The following TAFA1 variants were observed in gnomAD, a reference collection of about 807,000 sequenced individuals.
The protein encoded by TAFA1 is TAFA chemokine like family member 1, also known as chemokine-like protein TAFA-1.
A neutral mutation model predicts 18.5 loss-of-function variants in TAFA1; 4 were observed. The ratio of observed to expected loss-of-function variants is 0.22; its 90% CI spans 0.11 to 0.49. TAFA1 has a LOEUF of 0.49. Ranked by LOEUF, TAFA1 falls within the 20% of genes least tolerant of loss-of-function variation. The pLI is 0.98. For missense variants in TAFA1, 147 were observed against 169.0 expected (o/e 0.87, Z 0.72); for synonymous variants, 56 against 55.2 (o/e 1.01, Z -0.06).
chr3:68,399,382 G>A (rs1427328770), intron 2 of TAFA1, among the ~76,000 whole-genome samples: 1 of 152,040 alleles, frequency 6.6e-6, no homozygotes, highest in Non-Finnish European at 1.5e-5. Flanking sequence ...TCTGTTATTT[G>A]GGATTTCTTT....
At chr3:68,016,789 T>G (rs1033766948) in intron 2 of TAFA1, among the ~76,000 whole-genome samples, 1 of 152,212 alleles carries the variant, frequency 6.6e-6, no homozygotes, top group African/African-American at 2.4e-5. Context: ...TGCAAACCTC[T>G]GCAACATATT....
intron 2 of TAFA1, among the ~76,000 whole-genome samples, chr3:68,096,951 C>A (rs1178126841): frequency 6.6e-6 from 1 of 152,128 alleles, no homozygotes; most frequent in African/African-American, 2.4e-5. Flanking sequence ...GTGTATACCC[C>A]TAGGCACCTT....
At chr3:68,396,816 C>G (rs142911586) in intron 2 of TAFA1, among the ~76,000 whole-genome samples, 1 of 152,170 alleles carries the variant, frequency 6.6e-6, no homozygotes, top group Non-Finnish European at 1.5e-5. Context: ...GCTTTCATCA[C>G]GTTATTTTAC....
At chr3:68,211,743 G>A (rs551921756) in intron 2 of TAFA1, among the ~76,000 whole-genome samples, 5 of 152,162 alleles carry the variant, frequency 3.3e-5, no homozygotes, top group Admixed American at 3.3e-4. Context: ...GCTGGTGTGT[G>A]CAGAGATCCA....
intron 2 of TAFA1, among the ~76,000 whole-genome samples, chr3:68,137,943 A>G (rs1482359111): frequency 6.6e-6 from 1 of 151,850 alleles, no homozygotes; most frequent in African/African-American, 2.4e-5. Context: ...AAATATCCCA[A>G]TTCTTTGTTA....
At chr3:68,038,668 TAA>T (rs113213274) in intron 2 of TAFA1, among the ~76,000 whole-genome samples, 1 of 145,362 alleles carries the variant, frequency 6.9e-6, no homozygotes, top group African/African-American at 2.5e-5. Flanking sequence ...AAGCTATTGT[TAA>T]AAAAAAAAAA....
rs764686966 is a variant in TAFA1 at position 68,130,861 on chromosome 3, C to T, written c.118+124117C>T. 3.4e-4 allele frequency among the ~76,000 whole-genome samples: 51 copies of T among 152,110 alleles called. 1 individual carries two copies. The highest frequency in any genetic ancestry group is 2.6e-4 in the Admixed American group (4 of 15,274). On this transcript the variant is annotated intron_variant, in intron 2 of 4. Coordinates refer to ENST00000478136, the MANE Select transcript of TAFA1 (RefSeq NM_213609.4). ...CAAATATTACCTTTCCGTTAGCTAC[C>T]TCCCTGTCCTCCCTGGCTAGAGTCT...
intron 2 of TAFA1, among the ~76,000 whole-genome samples, chr3:68,313,882 T>A (rs750141155): frequency 2.7e-4 from 41 of 152,232 alleles, no homozygotes; most frequent in Non-Finnish European, 5.0e-4. Context: ...ATGTGTGTTT[T>A]AATTTTATTT....
intron 2 of TAFA1, among the ~76,000 whole-genome samples, chr3:68,258,998 C>T (rs2067354043): frequency 6.6e-6 from 1 of 152,184 alleles, no homozygotes; most frequent in Admixed American, 6.5e-5. Flanking sequence ...CCAGGACTCA[C>T]ATCTAGCTCT....
At chr3:68,000,992 A>G (rs1334434418), upstream of TAFA1, among the ~76,000 whole-genome samples, 1 of 152,166 alleles carries the variant, frequency 6.6e-6, no homozygotes, top group Non-Finnish European at 1.5e-5. Flanking sequence ...AGTTTTGTAA[A>G]CCAAAAAAAC....
At chr3:68,527,349 T>A (rs531669252) in intron 3 of TAFA1, among the ~76,000 whole-genome samples, 246 of 152,244 alleles carry the variant, frequency 1.6e-3, no homozygotes, top group Middle Eastern at 3.4e-3. Context: ...AGCATACAGC[T>A]TTTTTCAAAA....
chr3:68,508,857 GAT>G (rs1422180350), intron 3 of TAFA1, among the ~76,000 whole-genome samples: 5 of 152,052 alleles, frequency 3.3e-5, no homozygotes, highest in Admixed American at 6.6e-5. Flanking sequence ...AGAGTTCAGT[GAT>G]CACTAGAAGA....
chr3:68,170,055 A>C (rs1559545752), intron 2 of TAFA1, among the ~76,000 whole-genome samples: 1 of 152,338 alleles, frequency 6.6e-6, no homozygotes, highest in East Asian at 1.9e-4. Context: ...AAATTAACTA[A>C]GGGCTTATAA....
chr3:68,188,062 C>G, intron 2 of TAFA1, among the ~76,000 whole-genome samples: 1 of 151,812 alleles, frequency 6.6e-6, no homozygotes. Context: ...GAATATAAGA[C>G]CTTGTTATCT....
At chr3:68,517,857 G>A (rs1395274302) in intron 3 of TAFA1, among the ~76,000 whole-genome samples, 1 of 152,004 alleles carries the variant, frequency 6.6e-6, no homozygotes, top group African/African-American at 2.4e-5. Context: ...TAAGACTGTG[G>A]ACTGTGATCA....
At chr3:68,102,690 G>T (rs1158630164) in intron 2 of TAFA1, among the ~76,000 whole-genome samples, 2 of 152,158 alleles carry the variant, frequency 1.3e-5, no homozygotes, top group Non-Finnish European at 2.9e-5. Flanking sequence ...GGTTATCTCT[G>T]CTTTTAACTT....
intron 2 of TAFA1, among the ~76,000 whole-genome samples, chr3:68,327,427 T>C (rs2106720523): frequency 6.6e-6 from 1 of 152,244 alleles, no homozygotes; most frequent in East Asian, 1.9e-4. Context: ...GTAAAATGGT[T>C]GTATAACTGA....
At chr3:68,349,434 C>T (rs932728515) in intron 2 of TAFA1, among the ~76,000 whole-genome samples, 4 of 152,040 alleles carry the variant, frequency 2.6e-5, no homozygotes, top group South Asian at 4.2e-4. Context: ...TAATAAAGGA[C>T]GATAAAGTCC....
intron 2 of TAFA1, among the ~76,000 whole-genome samples, chr3:68,098,830 C>G (rs2065116603): frequency 6.6e-6 from 1 of 151,998 alleles, no homozygotes. Context: ...GAACAGAATA[C>G]AGAACACAGA....
Sources: allele counts gnomAD v4.1 joint callset (sites outside exome capture counted in the v4.1 genomes callset), GRCh38; gene constraint gnomAD v4.1.1; transcripts MANE v1.5; gene names NCBI Gene and HGNC (gene_info 2026-07-23, HGNC 2026-07-21).